The following MAT2B variants were observed in gnomAD, a reference collection of about 807,000 sequenced individuals.
MAT2B encodes methionine adenosyltransferase 2 non-catalytic beta subunit.
MAT2B carries 16 observed loss-of-function variants against 36.1 expected under a neutral mutation model. That is an observed-to-expected ratio of 0.44 (90% confidence interval 0.30 to 0.67). MAT2B has a LOEUF of 0.67. Ranked by LOEUF, MAT2B falls within the 30% of genes least tolerant of loss-of-function variation. MAT2B has a pLI of 0.09. For synonymous variants in MAT2B, 148 were observed against 136.9 expected, an observed-to-expected ratio of 1.08 and a Z score of -0.57; for missense variants, 332 against 398.2, an observed-to-expected ratio of 0.83 and a Z score of 1.42.
At position 163,518,418 on chromosome 5, in the gene MAT2B, C is replaced by CTT. The variant is rs35274545; in HGVS notation, c.*59_*60dup. ...TAAATGAAAAGTATAGTATGTGGCA[C>CTT]TTTTTAAAGAACAAAGGAAATAGTT... On this transcript the variant is annotated 3_prime_UTR_variant, in exon 7 of 7. Coordinates refer to ENST00000321757, the MANE Select transcript of MAT2B (RefSeq NM_013283.5). 2.1e-6 allele frequency: 3 copies of CTT among 1,442,536 alleles called. No homozygotes were observed. The highest frequency in any genetic ancestry group is 2.8e-6 in the Non-Finnish European group (3 of 1,063,356). The allele number at this position is 1,442,536 out of a possible 1,614,324, so 89.4% of individuals were successfully genotyped here.
chr5:163,511,902 C>A (rs1026374721), intron 1 of MAT2B, 100 bp from the exon 2 acceptor site: 2 of 887,052 alleles, frequency 2.3e-6, no homozygotes, highest in African/African-American at 1.7e-5. Flanking sequence ...AGTCAAAATA[C>A]GTAGAATTAA....
intron 2 of MAT2B, 49 bp from the exon 3 acceptor site, chr5:163,513,506 C>A: frequency 9.4e-7 from 1 of 1,063,542 alleles, no homozygotes; most frequent in Non-Finnish European, 1.4e-6. Context: ...GCTGTAATAC[C>A]TCTTTCATTT....
At chr5:163,517,225 T>A (rs1380480735) in intron 5 of MAT2B, 1 of 193,132 alleles carries the variant, frequency 5.2e-6, no homozygotes, top group Non-Finnish European at 1.1e-5. Context: ...TATTAAGTTT[T>A]TGTTGTAGCT....
At chr5:163,504,144 C>T (rs370277371), upstream of MAT2B, among the ~76,000 whole-genome samples, 51 of 152,202 alleles carry the variant, frequency 3.4e-4, 1 homozygote, top group South Asian at 9.1e-3. Context: ...TCACGTGTTG[C>T]GACTAGAAAC....
chr5:163,517,537 A>G (rs1760151909), intron 5 of MAT2B, 24 bp from the exon 6 acceptor site: 3 of 1,403,410 alleles, frequency 2.1e-6, no homozygotes, highest in Non-Finnish European at 3.0e-6. Context: ...GAAACTATTG[A>G]ATTTATTGTG....
At chr5:163,507,498 CTT>C (rs1759966707) in intron 1 of MAT2B, among the ~76,000 whole-genome samples, 1 of 152,130 alleles carries the variant, frequency 6.6e-6, no homozygotes, top group Admixed American at 6.6e-5. Flanking sequence ...TTTAGAGTAA[CTT>C]AAACTGATAT....
upstream of MAT2B, chr5:163,503,281 T>G (rs75230624): frequency 0.018 from 15,929 of 882,090 alleles, 208 homozygotes; most frequent in Non-Finnish European, 0.023. Context: ...AAGCTGCTCC[T>G]CACGTTTTGG....
intron 4 of MAT2B, among the ~76,000 whole-genome samples, chr5:163,514,829 T>C (rs1760105905): frequency 6.6e-6 from 1 of 152,244 alleles, no homozygotes; most frequent in African/African-American, 2.4e-5. Context: ...TTATAAATTA[T>C]TCTGTTGAAA....
rs75710453 is a variant in MAT2B, at chr5:163,517,988, C to T, written c.835-205C>T. The T allele has an allele frequency of 3.7e-4, 194 of 518,566 alleles. 1 individual carries two copies. The highest frequency in any genetic ancestry group is 3.4e-3 in the African/African-American group (180 of 52,494). The allele number at this position is 518,566 out of a possible 1,614,324, so 32.1% of individuals were successfully genotyped here. A position where few individuals can be genotyped will look rare whatever the true frequency, so the allele number is the denominator to read the frequency against. On this transcript the variant is annotated intron_variant, in intron 6 of 6. Transcript: ENST00000321757. ...CTCAAAATGGCCAGGCACAATGGCT[C>T]ATGCCTGTAATCCCAACACTTTGGG...
chr5:163,507,768 A>G (rs1483116796), intron 1 of MAT2B, among the ~76,000 whole-genome samples: 1 of 152,236 alleles, frequency 6.6e-6, no homozygotes, highest in Non-Finnish European at 1.5e-5. Flanking sequence ...TGTAAAAGGC[A>G]GAGTATTGCT....
intron 1 of MAT2B, among the ~76,000 whole-genome samples, chr5:163,508,591 C>T (rs366685): frequency 0.99 from 150,883 of 152,282 alleles, 74,758 homozygotes; most frequent in East Asian, 1. Flanking sequence ...TTATATAACA[C>T]GTTAGTTTTC....
At chr5:163,514,615 T>G (rs1160213733) in intron 4 of MAT2B, among the ~76,000 whole-genome samples, 4 of 151,924 alleles carry the variant, frequency 2.6e-5, no homozygotes, top group Non-Finnish European at 5.9e-5. Flanking sequence ...ACAACCTGTT[T>G]TTTTTCCCTC....
intron 4 of MAT2B, among the ~76,000 whole-genome samples, chr5:163,515,129 C>T (rs1271243929): frequency 6.6e-6 from 1 of 152,178 alleles, no homozygotes; most frequent in Admixed American, 6.5e-5. Flanking sequence ...AAATGCCCCA[C>T]CTCCCAGCAC....
At chr5:163,503,361 C>T, upstream of MAT2B, 1 of 1,610,686 alleles carries the variant, frequency 6.2e-7, no homozygotes, top group Non-Finnish European at 8.5e-7. Context: ...TAAGACCCAT[C>T]CCGTATCTGC....
At chr5:163,505,219 TCCGCCC>T (rs968680213), upstream of MAT2B, among the ~76,000 whole-genome samples, 37 of 151,758 alleles carry the variant, frequency 2.4e-4, no homozygotes, top group African/African-American at 7.3e-4. Context: ...TCTACCCACC[TCCGCCC>T]CCGCCCCCAT....
intron 1 of MAT2B, among the ~76,000 whole-genome samples, chr5:163,510,552 G>A (rs1052453506): frequency 2.0e-5 from 3 of 151,788 alleles, no homozygotes; most frequent in South Asian, 2.1e-4. Flanking sequence ...CTGCAACCAC[G>A]CCTGGCTAAT....
At chr5:163,509,465 G>T (rs1760001905) in intron 1 of MAT2B, among the ~76,000 whole-genome samples, 1 of 152,154 alleles carries the variant, frequency 6.6e-6, no homozygotes, top group African/African-American at 2.4e-5. Flanking sequence ...AGCATCACTT[G>T]TTGGAACTTG....
rs888045785 is a variant in MAT2B at position 163,505,697 on chromosome 5, G to A, written c.11G>A (p.Arg4Gln). The A allele has an allele frequency of 7.8e-7, 1 of 1,284,840 alleles. No homozygotes were observed. Among genetic ancestry groups the A allele is most frequent in the Non-Finnish European group, 9.9e-7 (1 of 1,008,368 alleles). The allele number at this position is 1,284,840 out of a possible 1,614,324, so 79.6% of individuals were successfully genotyped here. ...GTGAAGACGGCGGGCATGGTGGGGC[G>A]GGAGAAAGAGCTCTCTATACACTTT... MVG[R>Q]EKELSIHFVP... Residue 4 changes from arginine (R) to glutamine (Q), a missense_variant, in exon 1 of 7, where the codon CGG becomes CAG. Physicochemically the swap from Arg to Gln is conservative, Grantham distance 43. Coordinates refer to ENST00000321757, the MANE Select transcript of MAT2B (RefSeq NM_013283.5).
At chr5:163,514,140 A>G in intron 4 of MAT2B, 146 bp downstream of exon 4, 1 of 602,264 alleles carries the variant, frequency 1.7e-6, no homozygotes, top group Non-Finnish European at 2.5e-6. Context: ...AAGAAAATAA[A>G]AAATTCTAAG....
Sources: gnomAD v4.1 joint callset for allele counts (sites outside exome capture counted in the v4.1 genomes callset) on GRCh38, gnomAD v4.1.1 for gene constraint, MANE v1.5 for transcripts, NCBI Gene and HGNC (gene_info 2026-07-23, HGNC 2026-07-21) for gene names.